ELP4: variants seen among roughly 807,000 people sequenced by gnomAD.
ELP4 encodes the protein elongator acetyltransferase complex subunit 4.
In ELP4, 51 loss-of-function variants were observed where a neutral mutation model predicts 48.9. The observed-to-expected ratio is 1.04, with a 90% confidence interval of 0.83 to 1.32. The LOEUF is 1.32. ELP4 is among the 40% of genes most tolerant of loss of function. The probability of loss-of-function intolerance (pLI) is 0.00; values close to 1 mark genes in which losing one functional copy is unlikely to be tolerated. For missense variants in ELP4, 519 were observed against 514.6 expected, an observed-to-expected ratio of 1.01 and a Z score of -0.08; for synonymous variants, 210 against 189.2, an observed-to-expected ratio of 1.11 and a Z score of -0.90.
chr11:31,770,972 A>G (rs1028334749), intron 9 of ELP4, among the ~76,000 whole-genome samples: 2 of 152,180 alleles, frequency 1.3e-5, no homozygotes, highest in African/African-American at 4.8e-5. Context: ...GAATTCTTAA[A>G]TGTCTCAAAC....
intron 2 of ELP4, among the ~76,000 whole-genome samples, chr11:31,538,043 C>G (rs922587305): frequency 3.9e-5 from 6 of 152,018 alleles, no homozygotes; most frequent in Non-Finnish European, 7.4e-5. Context: ...ATGTTTTGTA[C>G]TTTTCACTGT....
chr11:31,598,196 C>T (rs141110285), intron 4 of ELP4, among the ~76,000 whole-genome samples: 4,015 of 151,602 alleles, frequency 0.026, 166 homozygotes, highest in African/African-American at 0.091. Flanking sequence ...CCTCGTGATC[C>T]GCCGACCTCG....
rs1198789314 is a variant in ELP4 at position 31,542,056 on chromosome 11, C to G, written c.381+2273C>G. Reference sequence around the variant, plus strand: ...ACAAGGTCCAGATTTCTCCTCATGCCTGAAATAGCTAAAAAACAAAAAACA... The same window carrying G: ...ACAAGGTCCAGATTTCTCCTCATGCGTGAAATAGCTAAAAAACAAAAAACA... On this transcript the variant is annotated intron_variant, in intron 3 of 9. Transcript: ENST00000640961. Among the ~76,000 whole-genome samples, 3 of 152,158 alleles carry G rather than the reference C, an allele frequency of 2.0e-5. No homozygotes were observed. In the East Asian group the frequency reaches 5.8e-4, roughly 29 times the overall value.
intron 3 of ELP4, among the ~76,000 whole-genome samples, chr11:31,547,608 A>G (rs2133920903): frequency 6.6e-6 from 1 of 152,308 alleles, no homozygotes; most frequent in Middle Eastern, 3.4e-3. Flanking sequence ...TCAATAGAAA[A>G]AGAGGGAATG....
intron 9 of ELP4, chr11:31,663,177 A>G (rs1945599761): frequency 6.6e-6 from 1 of 151,974 alleles, no homozygotes; most frequent in Non-Finnish European, 1.5e-5. Context: ...TATAAATTTA[A>G]CCATTTATGG....
At chr11:31,700,666 A>G (rs981931239) in intron 9 of ELP4, among the ~76,000 whole-genome samples, 1 of 152,086 alleles carries the variant, frequency 6.6e-6, no homozygotes, top group African/African-American at 2.4e-5. Flanking sequence ...TTACTTACTC[A>G]AGATAGGGAC....
At chr11:31,772,064 A>T (rs868068960) in intron 9 of ELP4, among the ~76,000 whole-genome samples, 3 of 151,604 alleles carry the variant, frequency 2.0e-5, no homozygotes, top group Non-Finnish European at 4.4e-5. Flanking sequence ...AGCCAGCATC[A>T]TATCACCATG....
intron 7 of ELP4, among the ~76,000 whole-genome samples, chr11:31,643,307 A>G (rs1372488084): frequency 1.3e-5 from 2 of 151,800 alleles, no homozygotes; most frequent in Non-Finnish European, 1.5e-5. Context: ...TCTTTCTTAA[A>G]TAGTATAGAG....
intron 9 of ELP4, among the ~76,000 whole-genome samples, chr11:31,679,122 GTTA>G (rs1166126544): frequency 1.3e-5 from 2 of 152,032 alleles, no homozygotes; most frequent in East Asian, 1.9e-4. Context: ...TGGTTTTTCT[GTTA>G]TTGTTGAATT....
chr11:31,593,098 G>A (rs970291149), intron 3 of ELP4, among the ~76,000 whole-genome samples: 2 of 152,136 alleles, frequency 1.3e-5, no homozygotes, highest in Non-Finnish European at 2.9e-5. Context: ...TGGCTCTGAG[G>A]ACAATTGTTT....
chr11:31,706,935 A>G (rs560715936), intron 9 of ELP4: 2 of 398,156 alleles, frequency 5.0e-6, no homozygotes, highest in Middle Eastern at 6.3e-4. Flanking sequence ...ATTGCTAAAT[A>G]TTATTCCATT....
chr11:31,674,689 T>G (rs1945880979), intron 9 of ELP4, among the ~76,000 whole-genome samples: 1 of 152,230 alleles, frequency 6.6e-6, no homozygotes, highest in Non-Finnish European at 1.5e-5. Context: ...TAAATGGAGA[T>G]AAAAGCCTCT....
At position 31,723,518 on chromosome 11, in the gene ELP4, G is replaced by T. The variant is rs190105076; in HGVS notation, c.1144-59875G>T. Among the ~76,000 whole-genome samples the T allele has an allele frequency of 3.3e-4, 50 of 152,254 alleles. 1 individual carries two copies. The highest frequency in any genetic ancestry group is 1.1e-3 in the African/African-American group (45 of 41,530). ...TTTCTGTGTGATGCCAAAGAAGCTG[G>T]ACCCACCTGCTGGATAGACCCAATC... On this transcript the variant is annotated intron_variant, in intron 9 of 9. Coordinates refer to ENST00000640961, the MANE Select transcript of ELP4 (RefSeq NM_019040.5).
intron 2 of ELP4, among the ~76,000 whole-genome samples, chr11:31,521,701 A>C (rs1024335032): frequency 6.6e-6 from 1 of 152,178 alleles, no homozygotes; most frequent in African/African-American, 2.4e-5. Context: ...TCACATGATC[A>C]GCATTTCTCC....
intron 3 of ELP4, among the ~76,000 whole-genome samples, chr11:31,549,133 A>T (rs1956790239): frequency 6.6e-6 from 1 of 151,784 alleles, no homozygotes; most frequent in South Asian, 2.1e-4. Context: ...AAAATTGACA[A>T]ATGGGATCTA....
At chr11:31,660,339 A>G (rs972542028) in intron 9 of ELP4, among the ~76,000 whole-genome samples, 1 of 152,164 alleles carries the variant, frequency 6.6e-6, no homozygotes, top group Non-Finnish European at 1.5e-5. Flanking sequence ...ATTAAAGGTC[A>G]CTTGTACATA....
intron 3 of ELP4, among the ~76,000 whole-genome samples, chr11:31,565,713 G>C (rs1446726489): frequency 6.6e-6 from 1 of 151,308 alleles, no homozygotes; most frequent in African/African-American, 2.4e-5. Context: ...TGAGGGCTCT[G>C]TTCTGTTCCA....
intron 7 of ELP4, among the ~76,000 whole-genome samples, chr11:31,645,145 T>C (rs916453252): frequency 1.3e-5 from 2 of 151,758 alleles, no homozygotes; most frequent in Non-Finnish European, 2.9e-5. Context: ...TTCAATAGAC[T>C]CTTGTTTATA....
chr11:31,657,512 G>T (rs1945462079), intron 9 of ELP4, among the ~76,000 whole-genome samples: 1 of 152,008 alleles, frequency 6.6e-6, no homozygotes, highest in Non-Finnish European at 1.5e-5. Flanking sequence ...TGTAATAGGT[G>T]CTCCATAAAT....
Sources: allele counts gnomAD v4.1 joint callset (sites outside exome capture counted in the v4.1 genomes callset), GRCh38; gene constraint gnomAD v4.1.1; transcripts MANE v1.5; gene names NCBI Gene and HGNC (gene_info 2026-07-23, HGNC 2026-07-21).